Variants in TESMIN observed in about 807,000 individuals in gnomAD.
TESMIN encodes the protein CXC domain containing 2.
TESMIN carries 34 observed loss-of-function variants against 47.4 expected under a neutral mutation model. That is an observed-to-expected ratio of 0.72 (90% CI 0.55 to 0.96). TESMIN has a LOEUF of 0.96. Ranked by LOEUF, TESMIN falls within the 40% of genes least tolerant of loss-of-function variation. TESMIN has a pLI of 0.00. For missense variants in TESMIN, 610 were observed against 637.2 expected, an observed-to-expected ratio of 0.96 and a Z score of 0.46; for synonymous variants, 278 against 258.9, an observed-to-expected ratio of 1.07 and a Z score of -0.71.
chr11:68,742,330 G>T lies in TESMIN; in HGVS notation c.816C>A (p.Leu272=). The T allele has an allele frequency of 6.3e-7, 1 of 1,591,648 alleles. No homozygotes were observed. ...RFLPASTKLN[L]ITQQLEGALP... is the part of the protein sequence containing the mutation. ...AACAATGACTCACTTGTTGTGTAATGAGATTTAATTTTGTTGATGCTGGCA... is the reference window on the plus strand; with the variant it reads ...AACAATGACTCACTTGTTGTGTAATTAGATTTAATTTTGTTGATGCTGGCA... The change falls in exon 5 of 10, where the codon CTC becomes CTA. Residue 272 remains leucine (L), a synonymous_variant. Coordinates refer to ENST00000255087, the MANE Select transcript of TESMIN (RefSeq NM_004923.3).
chr11:68,742,291 A>G, intron 5 of TESMIN, 27 bp downstream of exon 5: 1 of 1,420,088 alleles, frequency 7.0e-7, no homozygotes, highest in Non-Finnish European at 9.7e-7. Context: ...GCAAAATTGT[A>G]TTTTTTAAAT....
In TESMIN at chr11:68,708,441, G is replaced by C; in HGVS notation, c.1394C>G (p.Ala465Gly). 1.2e-6 allele frequency: 2 copies of C among 1,614,132 alleles called. No individual in the cohort carries two copies. ...TTCTTTCTCGGCCTCTTCTCCCTGAGCAAGCAGGCAGGCGCATGTGGCCTC... is the reference window on the plus strand; with the variant it reads ...TTCTTTCTCGGCCTCTTCTCCCTGACCAAGCAGGCAGGCGCATGTGGCCTC... ...VVEATCACLL[A>G]QGEEAEKEHC... Residue 465 changes from alanine to glycine, a missense_variant, in exon 10 of 10, where the codon GCT becomes GGT. By Grantham distance (60) the Ala-to-Gly change is moderately conservative. Transcript: ENST00000255087.
chr11:68,734,587 G>C (rs1396892976), intron 6 of TESMIN, among the ~76,000 whole-genome samples: 1 of 152,176 alleles, frequency 6.6e-6, no homozygotes, highest in Non-Finnish European at 1.5e-5. Flanking sequence ...GTGCCCAGTG[G>C]GGGCATGCAT....
At chr11:68,739,561 A>G (rs1566323962) in intron 5 of TESMIN, among the ~76,000 whole-genome samples, 1 of 152,222 alleles carries the variant, frequency 6.6e-6, no homozygotes. Flanking sequence ...AGCTTTAAGA[A>G]GTATAGTCTT....
At position 68,720,652 on chromosome 11, in the gene TESMIN, C is replaced by T. The variant is rs1946194063; in HGVS notation, c.918-4713G>A. 2.0e-5 allele frequency among the ~76,000 whole-genome samples: 3 copies of T among 152,220 alleles called. No individual in the cohort carries two copies. The South Asian group carries it at 6.2e-4, about 32-fold the overall frequency. ...GCCACTCTCTCCTCCTGTGCTTGCT[C>T]TCCATCCATGGTGTTACCATCTGCC... is the stretch of plus-strand genomic sequence containing the variant. On this transcript the variant is annotated intron_variant, in intron 6 of 9. Coordinates refer to ENST00000255087, the MANE Select transcript of TESMIN (RefSeq NM_004923.3).
chr11:68,724,762 A>G (rs1007497929), intron 6 of TESMIN, among the ~76,000 whole-genome samples: 1 of 152,214 alleles, frequency 6.6e-6, no homozygotes, highest in East Asian at 1.9e-4. Flanking sequence ...AGACAATAAC[A>G]TTGATTAGCC....
intron 6 of TESMIN, among the ~76,000 whole-genome samples, chr11:68,730,320 T>G (rs556428608): frequency 3.3e-5 from 5 of 152,376 alleles, no homozygotes; most frequent in South Asian, 2.1e-4. Context: ...GCCTGTATGT[T>G]GTTGCCTATA....
At chr11:68,718,381 T>C (rs1385512542) in intron 6 of TESMIN, among the ~76,000 whole-genome samples, 1 of 152,090 alleles carries the variant, frequency 6.6e-6, no homozygotes, top group Non-Finnish European at 1.5e-5. Context: ...ATAATTCTTA[T>C]TAAAAATCTC....
At chr11:68,740,307 C>G (rs1946440922) in intron 5 of TESMIN, among the ~76,000 whole-genome samples, 1 of 152,156 alleles carries the variant, frequency 6.6e-6, no homozygotes, top group Non-Finnish European at 1.5e-5. Flanking sequence ...GAACTGGGGT[C>G]TGGCAAGGAA....
chr11:68,722,957 T>A, intron 6 of TESMIN, among the ~76,000 whole-genome samples: 1 of 152,158 alleles, frequency 6.6e-6, no homozygotes, highest in Non-Finnish European at 1.5e-5. Context: ...GAATTCATAA[T>A]CTTAAGTGAG....
rs1025335778 is a variant in TESMIN at position 68,749,524 on chromosome 11, C to T, written c.471+666G>A. On this transcript the variant is annotated intron_variant, in intron 2 of 9. Coordinates refer to ENST00000255087, the MANE Select transcript of TESMIN (RefSeq NM_004923.3). ...GGACCCTTTGTTTCCTTTGAAAACTCATTAGTTTTGGCAAGAACAAAGCGG... is the reference window on the plus strand; with the variant it reads ...GGACCCTTTGTTTCCTTTGAAAACTTATTAGTTTTGGCAAGAACAAAGCGG... Among the ~76,000 whole-genome samples, 11 of 152,302 alleles carry T rather than the reference C, an allele frequency of 7.2e-5. No individual in the cohort carries two copies. In the East Asian group the frequency reaches 1.9e-3, roughly 27 times the overall value.
At chr11:68,734,105 T>G (rs114032723) in intron 6 of TESMIN, among the ~76,000 whole-genome samples, 157 of 152,330 alleles carry the variant, frequency 1.0e-3, no homozygotes, top group African/African-American at 3.6e-3. Context: ...TAAAGAACAA[T>G]AGATGAAGCG....
At chr11:68,712,521 TG>T (rs1318700589) in intron 8 of TESMIN, among the ~76,000 whole-genome samples, 1 of 152,214 alleles carries the variant, frequency 6.6e-6, no homozygotes, top group Non-Finnish European at 1.5e-5. Context: ...AAGGAAGGTT[TG>T]CTCGGCTGTT....
At chr11:68,744,932 C>A in intron 4 of TESMIN, 59 bp downstream of exon 4, 1 of 1,413,702 alleles carries the variant, frequency 7.1e-7, no homozygotes, top group Non-Finnish European at 9.5e-7. Flanking sequence ...CAAAGCCAAA[C>A]ATATTCATTT....
intron 5 of TESMIN, among the ~76,000 whole-genome samples, chr11:68,739,333 T>C (rs1594299431): frequency 1.3e-5 from 2 of 152,342 alleles, no homozygotes; most frequent in Middle Eastern, 3.4e-3. Flanking sequence ...TTTATGTTAC[T>C]CATTAGCATG....
intron 2 of TESMIN, among the ~76,000 whole-genome samples, chr11:68,749,436 T>C (rs1474774399): frequency 5.9e-5 from 9 of 152,248 alleles, no homozygotes; most frequent in Admixed American, 5.9e-4. Flanking sequence ...AATGACCTCA[T>C]GGATGAGTGG....
At chr11:68,741,361 T>C (rs1355412470) in intron 5 of TESMIN, among the ~76,000 whole-genome samples, 1 of 152,120 alleles carries the variant, frequency 6.6e-6, no homozygotes, top group Non-Finnish European at 1.5e-5. Flanking sequence ...CATTCCCTCA[T>C]CTCTTTAAAG....
chr11:68,723,253 A>G (rs1019179900), intron 6 of TESMIN, among the ~76,000 whole-genome samples: 1 of 152,046 alleles, frequency 6.6e-6, no homozygotes, highest in Non-Finnish European at 1.5e-5. Flanking sequence ...ATTTAAAAAT[A>G]TATACATATA....
At chr11:68,738,915 C>A (rs1396151985) in intron 5 of TESMIN, 127 bp from the exon 6 acceptor site, 1 of 748,594 alleles carries the variant, frequency 1.3e-6, no homozygotes, top group East Asian at 2.9e-5. Flanking sequence ...CCTTTATAAC[C>A]ATGTCTGGCC....
Sources: gnomAD v4.1 joint callset for allele counts (sites outside exome capture counted in the v4.1 genomes callset) on GRCh38, gnomAD v4.1.1 for gene constraint, MANE v1.5 for transcripts, NCBI Gene and HGNC (gene_info 2026-07-23, HGNC 2026-07-21) for gene names.